DMD: variants seen among roughly 807,000 people sequenced by gnomAD.
DMD encodes mutant dystrophin.
DMD carries 63 observed loss-of-function variants against 330.1 expected under a neutral mutation model. That is an observed-to-expected ratio of 0.19 (90% confidence interval 0.16 to 0.24). DMD has a LOEUF of 0.24. DMD is among the 10% of genes least tolerant of loss of function. The pLI, the probability that DMD is intolerant of heterozygous loss-of-function variation, is 1.00. For synonymous variants in DMD, 1,223 were observed against 959.8 expected (o/e 1.27, Z -5.07); for missense variants, 3,344 against 2,684.1 (o/e 1.25, Z -5.43).
rs145804632 is a variant in DMD at position 33,147,777 on chromosome X, T to A, written c.31+63505A>T. Among the ~76,000 whole-genome samples the A allele has an allele frequency of 2.5e-3, 275 of 111,399 alleles. 2 individuals are homozygous for A. Among genetic ancestry groups the A allele is most frequent in the African/African-American group, 8.0e-3 (245 of 30,722 alleles). On this transcript the variant is annotated intron_variant, in intron 1 of 78. Transcript: ENST00000357033. Reference sequence around the variant, plus strand: ...TCTCGAGTATCATTGTATATTTAGATCTTAATAATTTTAATAGAAACATCA... The same window carrying A: ...TCTCGAGTATCATTGTATATTTAGAACTTAATAATTTTAATAGAAACATCA...
intron 64 of DMD, among the ~76,000 whole-genome samples, chrX:31,211,627 T>G (rs2044684819): frequency 8.9e-6 from 1 of 112,158 alleles, no homozygotes; most frequent in African/African-American, 3.2e-5. Context: ...TGCATTTCAT[T>G]TTATGGGGCC....
At chrX:31,164,078 T>C (rs890844749) in intron 74 of DMD, among the ~76,000 whole-genome samples, 4 of 111,789 alleles carry the variant, frequency 3.6e-5, no homozygotes, top group Admixed American at 1.9e-4. Flanking sequence ...TGTATAATAA[T>C]ATACATGTAT....
chrX:32,642,565 TGAA>T (rs2059537778), intron 11 of DMD, among the ~76,000 whole-genome samples: 1 of 111,922 alleles, frequency 8.9e-6, no homozygotes, highest in Admixed American at 9.5e-5. Flanking sequence ...AGACATCCCT[TGAA>T]GGGGGGAATT....
chrX:31,861,200 A>C (rs968586875), intron 48 of DMD, among the ~76,000 whole-genome samples: 4 of 111,954 alleles, frequency 3.6e-5, no homozygotes, highest in African/African-American at 1.3e-4. Flanking sequence ...CACATGAAAA[A>C]ATTCAAATTC....
chrX:32,351,082 G>T (rs1448971555), intron 37 of DMD, among the ~76,000 whole-genome samples: 2 of 110,566 alleles, frequency 1.8e-5, no homozygotes, highest in Non-Finnish European at 3.8e-5. Flanking sequence ...CTATTACTAA[G>T]ATCAAATATG....
intron 44 of DMD, among the ~76,000 whole-genome samples, chrX:32,120,939 T>C (rs2096632013): frequency 8.9e-6 from 1 of 112,374 alleles, no homozygotes; most frequent in East Asian, 2.8e-4. Context: ...ATTTCTGAAA[T>C]TCTGGCTGCT....
intron 1 of DMD, among the ~76,000 whole-genome samples, chrX:33,111,726 C>A (rs2095341136): frequency 9.0e-6 from 1 of 110,991 alleles, no homozygotes; most frequent in Admixed American, 9.7e-5. Context: ...CCTGACTCAG[C>A]CTCCCAAGTA....
At chrX:31,883,885 GAA>G (rs35245909) in intron 47 of DMD, among the ~76,000 whole-genome samples, 1,726 of 103,738 alleles carry the variant, frequency 0.017, 29 homozygotes, top group African/African-American at 0.057. Flanking sequence ...ACAAGCATAT[GAA>G]AAAAAAAAAT....
chrX:33,234,531 T>C (rs967962797), intron 1 of DMD, among the ~76,000 whole-genome samples: 1 of 111,447 alleles, frequency 9.0e-6, no homozygotes, highest in African/African-American at 3.3e-5. Context: ...GCACTTAGAA[T>C]ACCACCCAGA....
At chrX:33,106,054 C>CCACACACACACACA (rs1557263796) in intron 1 of DMD, among the ~76,000 whole-genome samples, 3 of 89,441 alleles carry the variant, frequency 3.4e-5, no homozygotes, top group African/African-American at 1.6e-4. Flanking sequence ...GATACACACA[C>CCACACACACACACA]CACACACACA....
At chrX:31,358,899 T>A (rs1279091579) in intron 60 of DMD, among the ~76,000 whole-genome samples, 1 of 112,248 alleles carries the variant, frequency 8.9e-6, no homozygotes, top group Admixed American at 9.4e-5. Context: ...CTCAGTTCTG[T>A]TCCCAAATAG....
chrX:32,526,638 T>C (rs1455973765), intron 17 of DMD, among the ~76,000 whole-genome samples: 2 of 111,718 alleles, frequency 1.8e-5, no homozygotes, highest in Non-Finnish European at 3.8e-5. Context: ...GTTAATTACA[T>C]CCCATATGGT....
chrX:31,193,539 A>C (rs935875417), intron 67 of DMD, among the ~76,000 whole-genome samples: 5 of 112,142 alleles, frequency 4.5e-5, no homozygotes, highest in African/African-American at 1.6e-4. Flanking sequence ...CAATATTATA[A>C]CTGAATTAGA....
intron 47 of DMD, among the ~76,000 whole-genome samples, chrX:31,893,297 A>G (rs952734358): frequency 6.3e-5 from 7 of 111,378 alleles, no homozygotes; most frequent in Non-Finnish European, 1.1e-4. Flanking sequence ...CTCATTGAAA[A>G]GAAGCAACCT....
chrX:31,198,952 A>G (rs140816299), intron 67 of DMD, among the ~76,000 whole-genome samples: 308 of 111,877 alleles, frequency 2.8e-3, no homozygotes, highest in African/African-American at 9.5e-3. Context: ...ACAATCTAAA[A>G]TTCATATAGG....
intron 33 of DMD, among the ~76,000 whole-genome samples, chrX:32,384,080 TTATAAC>T (rs766915711): frequency 9.0e-6 from 1 of 110,511 alleles, no homozygotes. Context: ...AATTTGTAAT[TTATAAC>T]TATAACATAC....
At chrX:32,146,270 T>A (rs762298960) in intron 44 of DMD, among the ~76,000 whole-genome samples, 1 of 111,566 alleles carries the variant, frequency 9.0e-6, no homozygotes, top group Non-Finnish European at 1.9e-5. Flanking sequence ...ACATAGATGA[T>A]AGAGATAGAT....
At chrX:31,734,958 T>C (rs1465962172) in intron 51 of DMD, among the ~76,000 whole-genome samples, 2 of 111,616 alleles carry the variant, frequency 1.8e-5, no homozygotes, top group African/African-American at 6.5e-5. Flanking sequence ...TATGCAGGCC[T>C]TCTATTATTG....
chrX:32,802,400 G>C (rs1032344711), intron 7 of DMD, among the ~76,000 whole-genome samples: 2 of 111,584 alleles, frequency 1.8e-5, no homozygotes, highest in Non-Finnish European at 3.8e-5. Flanking sequence ...GGAGATTTTC[G>C]GCTGAGATGA....
Sources: allele counts gnomAD v4.1 joint callset (sites outside exome capture counted in the v4.1 genomes callset), GRCh38; gene constraint gnomAD v4.1.1; transcripts MANE v1.5; gene names NCBI Gene and HGNC (gene_info 2026-07-23, HGNC 2026-07-21).